GJC1: variants seen among roughly 807,000 people sequenced by gnomAD.
GJC1 encodes gap junction gamma-1 protein.
A neutral mutation model predicts 29.3 loss-of-function variants in GJC1; 5 were observed. That is an observed-to-expected ratio of 0.17 (90% CI 0.09 to 0.36). The LOEUF is 0.36. Among genes scored for constraint, GJC1 ranks in the 10% least tolerant of loss-of-function variants. GJC1 has a pLI of 1.00. For synonymous variants in GJC1, 177 were observed against 183.3 expected, an observed-to-expected ratio of 0.97 and a Z score of 0.28; for missense variants, 310 against 496.2, an observed-to-expected ratio of 0.62 and a Z score of 3.56.
At chr17:44,821,697 C>CAAAAAAAAAAAAAAAAAAAAAAAAAAAA (rs61303163) in intron 1 of GJC1, among the ~76,000 whole-genome samples, 2 of 58,370 alleles carry the variant, frequency 3.4e-5, no homozygotes, top group African/African-American at 1.6e-4. Flanking sequence ...AACTCCGTCT[C>CAAAAAAAAAAAAAAAAAAAAAAAAAAAA]AAAAAAAAAA....
At chr17:44,816,220 CAAAG>C (rs1240932283) in intron 1 of GJC1, among the ~76,000 whole-genome samples, 1 of 150,158 alleles carries the variant, frequency 6.7e-6, no homozygotes, top group African/African-American at 2.4e-5. Flanking sequence ...TTCACTCACA[CAAAG>C]AAAACCCAAA....
downstream of GJC1, among the ~76,000 whole-genome samples, chr17:44,795,517 G>A (rs1210230996): frequency 6.6e-6 from 1 of 152,208 alleles, no homozygotes; most frequent in Admixed American, 6.5e-5. Context: ...ACTGGCGCGA[G>A]CCACCCCTCC....
rs2050161141 is a variant in GJC1 at position 44,825,256 on chromosome 17, T to C, written c.-97+4806A>G. 3.3e-5 allele frequency among the ~76,000 whole-genome samples: 5 copies of C among 149,472 alleles called. 1 individual carries two copies. The South Asian group carries it at 1.1e-3, about 31-fold the overall frequency. On this transcript the variant is annotated intron_variant, in intron 1 of 2. Transcript: ENST00000592524. ...GGCTCATGCCTGTAATCCCAGCACT[T>C]TGGGAGACCGAGGCAGGTGGATCAC...
At chr17:44,818,267 T>C (rs1450861631) in intron 1 of GJC1, among the ~76,000 whole-genome samples, 1 of 151,976 alleles carries the variant, frequency 6.6e-6, no homozygotes, top group African/African-American at 2.4e-5. Flanking sequence ...AGAAAATACA[T>C]TTCAGAGTTT....
chr17:44,804,521 TCC>T lies in GJC1; in HGVS notation c.*104_*105del. The T allele has an allele frequency of 5.6e-6, 5 of 895,966 alleles. No individual in the cohort carries two copies. The South Asian group carries it at 8.2e-5, about 15-fold the overall frequency. 55.5% of individuals were successfully genotyped at this position (895,966 alleles called of 1,614,324 possible). On this transcript the variant is annotated 3_prime_UTR_variant, in exon 3 of 3. Transcript: ENST00000592524. ...GAGCTTGGATCATGAGCCAACAGCATCCCTGAAGATAACCAGAGCCAAATGTT... is the reference window on the plus strand; with the variant it reads ...GAGCTTGGATCATGAGCCAACAGCATCTGAAGATAACCAGAGCCAAATGTT...
chr17:44,808,608 A>C (rs1179982272), intron 1 of GJC1, among the ~76,000 whole-genome samples: 1 of 151,292 alleles, frequency 6.6e-6, no homozygotes, highest in African/African-American at 2.4e-5. Flanking sequence ...AACAACACAC[A>C]CCCCCAAAAT....
At chr17:44,827,868 AAAAAAGG>A (rs944191998) in intron 1 of GJC1, among the ~76,000 whole-genome samples, 1 of 152,210 alleles carries the variant, frequency 6.6e-6, no homozygotes, top group Non-Finnish European at 1.5e-5. Flanking sequence ...CATCTCAAAA[AAAAAAGG>A]AAAAGGAAAA....
At chr17:44,827,415 T>C (rs2050187981) in intron 1 of GJC1, among the ~76,000 whole-genome samples, 1 of 152,132 alleles carries the variant, frequency 6.6e-6, no homozygotes, top group South Asian at 2.1e-4. Context: ...AGAAGCCACA[T>C]GTATTTCTAC....
At chr17:44,809,226 A>C (rs1190950688) in intron 1 of GJC1, among the ~76,000 whole-genome samples, 3 of 152,066 alleles carry the variant, frequency 2.0e-5, no homozygotes, top group African/African-American at 4.8e-5. Context: ...ATACCACTGC[A>C]CTCCTGCCTG....
At chr17:44,824,253 G>A (rs1338066514) in intron 1 of GJC1, among the ~76,000 whole-genome samples, 3 of 151,946 alleles carry the variant, frequency 2.0e-5, no homozygotes, top group Non-Finnish European at 2.9e-5. Context: ...TGACCTGCCT[G>A]CCTCGGCCTA....
At chr17:44,823,723 T>A (rs925113026) in intron 1 of GJC1, among the ~76,000 whole-genome samples, 2 of 151,782 alleles carry the variant, frequency 1.3e-5, no homozygotes, top group African/African-American at 2.4e-5. Flanking sequence ...TTCCTTTTTT[T>A]TTTTTTGAGA....
rs1443045893 is a variant in GJC1, at chr17:44,798,758, A to G, written c.*5869T>C. On this transcript the variant is annotated 3_prime_UTR_variant, in exon 3 of 3. Coordinates refer to ENST00000592524, the MANE Select transcript of GJC1 (RefSeq NM_005497.4). ...TGTCATAACACTTAGTGCCTGAGGT[A>G]GAGATTTCTGTAAGAGATTTTTTTA... 1.3e-5 allele frequency: 2 copies of G among 152,270 alleles called. No individual in the cohort carries two copies. Among genetic ancestry groups the G allele is most frequent in the Non-Finnish European group, 2.9e-5 (2 of 68,040 alleles). The allele number at this position is 152,270 out of a possible 1,614,324, so 9.4% of individuals were successfully genotyped here.
chr17:44,823,275 C>G (rs532401255), intron 1 of GJC1, among the ~76,000 whole-genome samples: 1 of 109,178 alleles, frequency 9.2e-6, no homozygotes, highest in Non-Finnish European at 1.8e-5. Flanking sequence ...TTTTTTAAGA[C>G]GGAGTGTTGC....
intron 1 of GJC1, among the ~76,000 whole-genome samples, chr17:44,818,824 C>G (rs1431672357): frequency 6.6e-6 from 1 of 150,566 alleles, no homozygotes; most frequent in Non-Finnish European, 1.5e-5. Context: ...CGGGAAGAAG[C>G]TGGCTGGGCG....
chr17:44,797,894 G>T (rs996403699), downstream of GJC1: 4 of 152,202 alleles, frequency 2.6e-5, no homozygotes, highest in African/African-American at 9.7e-5. Flanking sequence ...TGCTGCTGAG[G>T]GTGAGCTGTT....
intron 1 of GJC1, among the ~76,000 whole-genome samples, chr17:44,810,406 A>C (rs1323241648): frequency 6.6e-6 from 1 of 152,204 alleles, no homozygotes; most frequent in African/African-American, 2.4e-5. Flanking sequence ...TTCAGAGCTT[A>C]TGTAAGTTCT....
At chr17:44,795,814 C>A (rs895492101), downstream of GJC1, among the ~76,000 whole-genome samples, 1 of 152,236 alleles carries the variant, frequency 6.6e-6, no homozygotes, top group Admixed American at 6.5e-5. Context: ...TCAATTAGAC[C>A]TCTGCCTCAT....
Position 44,805,505 on chromosome 17 carries a change from C to A in GJC1, c.313G>T (p.Gly105Cys), listed in dbSNP as rs200368191. The A allele has an allele frequency of 4.3e-6, 7 of 1,614,168 alleles. No individual in the cohort carries two copies. In the African/African-American group the frequency reaches 9.3e-5, roughly 22 times the overall value. Residue 105 changes from glycine (G) to cysteine (C), a missense_variant, in exon 3 of 3, where the codon GGT (glycine) becomes TGT (cysteine). Gly to Cys is a radical substitution (Grantham distance 159). Transcript: ENST00000592524. This position sits in a 1 kb window ranked among gnomAD's most constrained non-coding sequence, Gnocchi z 5.1. ...AIHKIAKMEH[G>C]EADKKAARSK... ...CGAGCTGCCTTCTTGTCTGCTTCAC[C>A]GTGCTCCATTTTGGCAATCTTGTGG...
At position 44,825,405 on chromosome 17, in the gene GJC1, T is replaced by C. The variant is rs1345761613; in HGVS notation, c.-97+4657A>G. On this transcript the variant is annotated intron_variant, in intron 1 of 2. Transcript: ENST00000592524. Reference sequence around the variant, plus strand: ...CTTGGGAGGCTGAGGCAAGAGAATCTTGCCCAGGGGGCAGAGGTTGCGGTG... The same window carrying C: ...CTTGGGAGGCTGAGGCAAGAGAATCCTGCCCAGGGGGCAGAGGTTGCGGTG... 3.3e-5 allele frequency among the ~76,000 whole-genome samples: 5 copies of C among 151,810 alleles called. No homozygotes were observed. In the East Asian group the frequency reaches 9.7e-4, roughly 30 times the overall value.
Sources: gnomAD v4.1 joint callset for allele counts (sites outside exome capture counted in the v4.1 genomes callset) on GRCh38, gnomAD v4.1.1 for gene constraint, Gnocchi (gnomAD v3.1) non-coding constraint, MANE v1.5 for transcripts, NCBI Gene and HGNC (gene_info 2026-07-23, HGNC 2026-07-21) for gene names.